CACNA1C: variants seen among roughly 807,000 people sequenced by gnomAD.
The protein encoded by CACNA1C is calcium voltage-gated channel subunit alpha1 C.
CACNA1C carries 30 observed loss-of-function variants against 229.0 expected under a neutral mutation model. The ratio of observed to expected loss-of-function variants is 0.13; its 90% CI spans 0.10 to 0.18. The LOEUF (loss-of-function observed/expected upper bound fraction) is 0.18. Ranked by LOEUF, CACNA1C falls within the 10% of genes least tolerant of loss-of-function variation. The pLI, the probability that CACNA1C is intolerant of heterozygous loss-of-function variation, is 1.00. For synonymous variants in CACNA1C, 1,114 were observed against 1,132.5 expected, an observed-to-expected ratio of 0.98 and a Z score of 0.33; for missense variants, 1,658 against 2,845.0, an observed-to-expected ratio of 0.58 and a Z score of 9.49.
intron 1 of CACNA1C, among the ~76,000 whole-genome samples, chr12:1,994,116 T>C (rs752988608): frequency 3.8e-4 from 58 of 152,234 alleles, no homozygotes; most frequent in Non-Finnish European, 6.5e-4. Context: ...GCAGAAAGAA[T>C]CCAAATTATA....
In CACNA1C at chr12:2,651,779, C is replaced by T. The variant is rs752455251; in HGVS notation, c.4074+11C>T. 2 of 1,588,262 alleles carry T rather than the reference C, an allele frequency of 1.3e-6. No homozygotes were observed. Among genetic ancestry groups the T allele is most frequent in the African/African-American group, 1.5e-5 (1 of 68,796 alleles). On this transcript the variant is annotated intron_variant, in intron 32 of 46. Transcript: ENST00000399655. This position sits in a 1 kb window ranked among gnomAD's most constrained non-coding sequence, Gnocchi z 5.4. The stretch of plus-strand genomic sequence containing the variant: ...ATCAAGTCCTTCCAGGTAGCCGCCC[C>T]TCATGTCCTGCGGCCCGGGGAATCG...
intron 3 of CACNA1C, among the ~76,000 whole-genome samples, chr12:2,255,636 C>A (rs576277436): frequency 6.6e-6 from 1 of 152,208 alleles, no homozygotes; most frequent in Non-Finnish European, 1.5e-5. Context: ...TTCAGAAGAC[C>A]AGGAGGGTCA....
rs115907352 is a variant in CACNA1C at position 2,036,063 on chromosome 12, G to A, written c.139+64862G>A. Among the ~76,000 whole-genome samples the A allele has an allele frequency of 8.7e-3, 1,318 of 152,314 alleles. 18 individuals carry two copies. The highest frequency in any genetic ancestry group is 0.03 in the African/African-American group (1,260 of 41,548). On this transcript the variant is annotated intron_variant, in intron 1 of 46. Coordinates refer to the CACNA1C transcript ENST00000682462. ...CTTTACTGGTAAATGGGGTTGGAGG[G>A]TGAGTTAGGGATGGTTCCCAAGGAC...
intron 1 of CACNA1C, among the ~76,000 whole-genome samples, chr12:2,015,127 T>C (rs11609450): frequency 0.15 from 23,117 of 152,140 alleles, 1,869 homozygotes; most frequent in East Asian, 0.21. Flanking sequence ...ACCATGTTGC[T>C]CTATGAAAGG....
chr12:2,185,946 A>G (rs531952041), intron 3 of CACNA1C, among the ~76,000 whole-genome samples: 21 of 151,836 alleles, frequency 1.4e-4, no homozygotes, highest in Non-Finnish European at 2.4e-4. Context: ...CGAGCGCCCA[A>G]TGCACACTTG....
chr12:2,033,446 CA>C (rs2048563972), intron 1 of CACNA1C, among the ~76,000 whole-genome samples: 2 of 152,180 alleles, frequency 1.3e-5, no homozygotes, highest in South Asian at 4.1e-4. Context: ...ATCTTCAAAA[CA>C]CATAAGGCCG....
intron 44 of CACNA1C, 107 bp from the exon 45 acceptor site, chr12:2,686,059 G>T: frequency 2.0e-6 from 2 of 982,156 alleles, no homozygotes; most frequent in East Asian, 4.8e-5. Context: ...AAGGAGGAGC[G>T]TCTCGGGCCA....
chr12:2,652,725 C>T (rs758559), intron 32 of CACNA1C, among the ~76,000 whole-genome samples: 87,933 of 152,178 alleles, frequency 0.58, 29,478 homozygotes, highest in Non-Finnish European at 0.72. Context: ...CTCCCAATGG[C>T]CAGGCTGACC....
intron 42 of CACNA1C, chr12:2,682,049 C>T: frequency 1.3e-6 from 2 of 1,574,922 alleles, no homozygotes; most frequent in Non-Finnish European, 1.7e-6. Context: ...GAGCAAACCC[C>T]TCTAGGTGAG....
chr12:2,076,982 G>A (rs137997626), intron 1 of CACNA1C, among the ~76,000 whole-genome samples: 130 of 152,346 alleles, frequency 8.5e-4, no homozygotes, highest in African/African-American at 3.0e-3. Flanking sequence ...GCCCTGGAGC[G>A]GACGCCATGC....
intron 6 of CACNA1C, among the ~76,000 whole-genome samples, chr12:2,490,234 CT>C (rs2099714309): frequency 6.6e-6 from 1 of 152,194 alleles, no homozygotes; most frequent in Non-Finnish European, 1.5e-5. Context: ...ATGCCATTTT[CT>C]TTTTCGCAGA....
chr12:2,244,215 C>T (rs2071955900), intron 3 of CACNA1C, among the ~76,000 whole-genome samples: 1 of 152,236 alleles, frequency 6.6e-6, no homozygotes, highest in South Asian at 2.1e-4. Context: ...TCAGCTACAG[C>T]CTTCATTAAT....
intron 3 of CACNA1C, among the ~76,000 whole-genome samples, chr12:2,335,286 C>CT (rs1171583736): frequency 1.3e-5 from 2 of 152,198 alleles, no homozygotes; most frequent in East Asian, 3.8e-4. Context: ...TCCGCCATGC[C>CT]TGCAGGCTCC....
chr12:2,072,812 G>A (rs1436506420), intron 1 of CACNA1C, among the ~76,000 whole-genome samples: 6 of 152,160 alleles, frequency 3.9e-5, no homozygotes, highest in Non-Finnish European at 1.5e-5. Context: ...CGAAGACAGG[G>A]CAGACTGTCA....
intron 3 of CACNA1C, among the ~76,000 whole-genome samples, chr12:2,415,762 T>C (rs1595690795): frequency 6.6e-6 from 1 of 151,984 alleles, no homozygotes; most frequent in South Asian, 2.1e-4. Context: ...AATGCAGGAG[T>C]CCCCGCCATG....
At chr12:2,662,292 AG>A (rs2095803934) in intron 34 of CACNA1C, among the ~76,000 whole-genome samples, 1 of 151,976 alleles carries the variant, frequency 6.6e-6, no homozygotes, top group African/African-American at 2.4e-5. Flanking sequence ...AGAATTGGAG[AG>A]GAAGAAACAA....
Position 2,275,335 on chromosome 12 carries a change from C to G in CACNA1C, c.477+154905C>G, listed in dbSNP as rs1051774421. Among the ~76,000 whole-genome samples the G allele has an allele frequency of 6.6e-5, 10 of 152,128 alleles. No homozygotes were observed. The highest frequency in any genetic ancestry group is 2.4e-4 in the African/African-American group (10 of 41,410). ...CTATGTGTCTCTGCCTGTCTGTGGA[C>G]CCCGACTCCTCACCATCACCCAACA... On this transcript the variant is annotated intron_variant, in intron 3 of 46. Transcript: ENST00000399655. The surrounding 1 kb of genome is among the most constrained non-coding windows in gnomAD (Gnocchi z 4.1).
intron 42 of CACNA1C, chr12:2,680,559 GC>G (rs1412974929): frequency 1.9e-6 from 3 of 1,566,524 alleles, no homozygotes; most frequent in Admixed American, 3.7e-5. Context: ...AGGCTGCACA[GC>G]CCCCCAGCAT....
Position 2,450,380 on chromosome 12 carries a change from C to T in CACNA1C, c.617+1265C>T, listed in dbSNP as rs553382185. Among the ~76,000 whole-genome samples, 113 of 151,730 alleles carry T rather than the reference C, an allele frequency of 7.4e-4. 1 individual carries two copies. The South Asian group carries it at 0.011, about 15-fold the overall frequency. ...CCATCCTGGCTAACACGGTGAAACCCCGTCTCTACTAAAAATACAAAAACT... is the reference window on the plus strand; with the variant it reads ...CCATCCTGGCTAACACGGTGAAACCTCGTCTCTACTAAAAATACAAAAACT... On this transcript the variant is annotated intron_variant, in intron 4 of 46. Coordinates refer to ENST00000399655, the MANE Select transcript of CACNA1C (RefSeq NM_000719.7).
Sources: allele counts gnomAD v4.1 joint callset (sites outside exome capture counted in the v4.1 genomes callset), GRCh38; gene constraint gnomAD v4.1.1; non-coding constraint Gnocchi (gnomAD v3.1); transcripts MANE v1.5; gene names NCBI Gene and HGNC (gene_info 2026-07-23, HGNC 2026-07-21).